Variants in ARHGAP31 observed in about 807,000 individuals in gnomAD.
ARHGAP31 encodes Rho GTPase activating protein 31, also known as rho GTPase-activating protein 31.
Under a neutral mutation model 113.9 loss-of-function variants are expected in ARHGAP31, and 34 were observed. That is an observed-to-expected ratio of 0.30 (90% confidence interval 0.23 to 0.40). The LOEUF is 0.40. Among genes scored for constraint, ARHGAP31 ranks in the 10% least tolerant of loss-of-function variants. ARHGAP31 has a pLI of 1.00. For synonymous variants in ARHGAP31, 650 were observed against 684.8 expected (o/e 0.95, Z 0.79); for missense variants, 1,548 against 1,767.1 (o/e 0.88, Z 2.22).
intron 10 of ARHGAP31, among the ~76,000 whole-genome samples, chr3:119,406,730 A>T (rs1203868475): frequency 6.6e-6 from 1 of 152,236 alleles, no homozygotes; most frequent in African/African-American, 2.4e-5. Context: ...TGCGTGGGAC[A>T]GCCCAGAAGC....
At chr3:119,380,387 C>G (rs925316483) in intron 3 of ARHGAP31, among the ~76,000 whole-genome samples, 1 of 144,702 alleles carries the variant, frequency 6.9e-6, no homozygotes, top group Non-Finnish European at 1.5e-5. Flanking sequence ...TATTTACTTG[C>G]TTGTTATTTA....
At chr3:119,309,014 G>A (rs1024153447) in intron 1 of ARHGAP31, among the ~76,000 whole-genome samples, 3 of 152,000 alleles carry the variant, frequency 2.0e-5, no homozygotes, top group African/African-American at 7.3e-5. Flanking sequence ...GCTAATTTCT[G>A]TATTGTTTGT....
chr3:119,306,578 G>A lies in ARHGAP31; in HGVS notation c.100+11574G>A, dbSNP rs530904702. The stretch of plus-strand genomic sequence containing the variant: ...TCTCAAAAAAAAAGTTTTCAAACGG[G>A]TATTTGCATAGGTTGTGTAATGTCT... On this transcript the variant is annotated intron_variant, in intron 1 of 11. Transcript: ENST00000264245. 2.6e-5 allele frequency among the ~76,000 whole-genome samples: 4 copies of A among 152,260 alleles called. No individual in the cohort carries two copies. In the East Asian group the frequency reaches 5.8e-4, roughly 22 times the overall value.
At chr3:119,356,999 C>T (rs760029017) in intron 1 of ARHGAP31, among the ~76,000 whole-genome samples, 7 of 152,208 alleles carry the variant, frequency 4.6e-5, no homozygotes, top group Non-Finnish European at 8.8e-5. Context: ...TATCAATCTC[C>T]CCTGCCAGTT....
chr3:119,323,283 G>A (rs904747133), intron 1 of ARHGAP31, among the ~76,000 whole-genome samples: 1 of 152,054 alleles, frequency 6.6e-6, no homozygotes, highest in Non-Finnish European at 1.5e-5. Context: ...CCAGAAGCGG[G>A]GAAACCCCAG....
At chr3:119,325,372 CA>C (rs1350748533) in intron 1 of ARHGAP31, among the ~76,000 whole-genome samples, 2 of 152,188 alleles carry the variant, frequency 1.3e-5, no homozygotes, top group African/African-American at 4.8e-5. Context: ...TTGATCTTCC[CA>C]AGACGCTGTG....
At chr3:119,404,652 CTT>C (rs2080644828) in intron 10 of ARHGAP31, among the ~76,000 whole-genome samples, 2 of 152,212 alleles carry the variant, frequency 1.3e-5, no homozygotes, top group Non-Finnish European at 2.9e-5. Context: ...CCCAATTAAA[CTT>C]TTAGTTGCTC....
chr3:119,391,178 T>C (rs1396115306), intron 7 of ARHGAP31, among the ~76,000 whole-genome samples, 195 bp downstream of exon 7: 1 of 152,178 alleles, frequency 6.6e-6, no homozygotes, highest in Non-Finnish European at 1.5e-5. Context: ...CCTTTATGCA[T>C]GCACTGCCCC....
chr3:119,347,386 G>A (rs961672632), intron 1 of ARHGAP31, among the ~76,000 whole-genome samples: 2 of 152,178 alleles, frequency 1.3e-5, no homozygotes, highest in Non-Finnish European at 2.9e-5. Context: ...ACTCAATTAA[G>A]TATTAATAGC....
At chr3:119,367,844 G>A (rs572096069) in intron 2 of ARHGAP31, among the ~76,000 whole-genome samples, 3 of 144,280 alleles carry the variant, frequency 2.1e-5, no homozygotes, top group East Asian at 2.0e-4. Context: ...GTGACAGAGC[G>A]AGACTCCATC....
intron 1 of ARHGAP31, among the ~76,000 whole-genome samples, chr3:119,338,347 T>A (rs898794505): frequency 1.3e-5 from 2 of 152,206 alleles, no homozygotes; most frequent in African/African-American, 4.8e-5. Context: ...ATTTAAGTAG[T>A]TTGACCTTGT....
At chr3:119,330,135 C>A in intron 1 of ARHGAP31, 1 of 576,188 alleles carries the variant, frequency 1.7e-6, no homozygotes, top group Non-Finnish European at 2.2e-6. Flanking sequence ...AGGAAAACAG[C>A]AAATGAAGCT....
chr3:119,349,737 A>G (rs750298921), intron 1 of ARHGAP31, among the ~76,000 whole-genome samples: 31 of 152,162 alleles, frequency 2.0e-4, no homozygotes, highest in Non-Finnish European at 3.7e-4. Flanking sequence ...AAATTTAACA[A>G]ACTATTTAAA....
At chr3:119,366,532 A>G (rs1307442913) in intron 2 of ARHGAP31, among the ~76,000 whole-genome samples, 1 of 152,174 alleles carries the variant, frequency 6.6e-6, no homozygotes, top group Non-Finnish European at 1.5e-5. Flanking sequence ...CTAATTTACT[A>G]GTACTCCATT....
rs1256273799 is a variant in ARHGAP31 at position 119,414,234 on chromosome 3, G to A, written c.2305G>A (p.Val769Met). The stretch of plus-strand genomic sequence containing the variant: ...TGAGAAGGCATCTCCACAAGCAACA[G>A]TGGAAGTAGGAGGCCCAGGCAATCT... ...PFEKASPQATVEVGGPGNLSP... is the reference protein window; with the variant it reads ...PFEKASPQATMEVGGPGNLSP... The change falls in exon 12 of 12, where the codon GTG becomes ATG. Residue 769 changes from valine to methionine, a missense_variant. Val to Met is a conservative substitution (Grantham distance 21). Coordinates refer to ENST00000264245, the MANE Select transcript of ARHGAP31 (RefSeq NM_020754.4). 13 of 1,614,092 alleles carry A rather than the reference G, an allele frequency of 8.1e-6. No homozygotes were observed. The highest frequency in any genetic ancestry group is 1.6e-4 in the Middle Eastern group (1 of 6,084).
chr3:119,319,160 A>G (rs936398714), intron 1 of ARHGAP31, among the ~76,000 whole-genome samples: 1 of 151,578 alleles, frequency 6.6e-6, no homozygotes, highest in Non-Finnish European at 1.5e-5. Context: ...CAAGACACCA[A>G]CCACAGAGAT....
chr3:119,372,280 CT>C (rs758369404), intron 3 of ARHGAP31, among the ~76,000 whole-genome samples: 3,963 of 128,926 alleles, frequency 0.031, 93 homozygotes, highest in African/African-American at 0.1. Context: ...TTATTTCTGA[CT>C]TTTTTTTTTT....
At chr3:119,404,353 GCCTGCCTT>G (rs1261243948) in intron 10 of ARHGAP31, among the ~76,000 whole-genome samples, 4 of 152,264 alleles carry the variant, frequency 2.6e-5, no homozygotes, top group Non-Finnish European at 5.9e-5. Context: ...GGAGACTCCA[GCCTGCCTT>G]CCTACCTGTG....
chr3:119,377,186 G>A (rs531756863), intron 3 of ARHGAP31, among the ~76,000 whole-genome samples: 46 of 152,306 alleles, frequency 3.0e-4, no homozygotes, highest in African/African-American at 1.1e-3. Context: ...TTCTAGGTGC[G>A]GAGATTTAAT....
Sources: allele counts gnomAD v4.1 joint callset (sites outside exome capture counted in the v4.1 genomes callset), GRCh38; gene constraint gnomAD v4.1.1; transcripts MANE v1.5; gene names NCBI Gene and HGNC (gene_info 2026-07-23, HGNC 2026-07-21).